CFAP95: variants seen among roughly 807,000 people sequenced by gnomAD.
CFAP95 encodes cilia and flagella associated protein 95.
chr9:69,884,812 C>G, the CFAP95 span, among the ~76,000 whole-genome samples: 1 of 151,512 alleles, frequency 6.6e-6, no homozygotes, highest in Admixed American at 6.6e-5. Flanking sequence ...ATAATGTCCC[C>G]CTGTTCCTTT....
At chr9:69,822,224 T>C in the CFAP95 span, among the ~76,000 whole-genome samples, 1 of 152,216 alleles carries the variant, frequency 6.6e-6, no homozygotes, top group African/African-American at 2.4e-5. Flanking sequence ...TCTTGTCTAC[T>C]TTATGTTTTT....
chr9:69,869,050 G>A, the CFAP95 span, among the ~76,000 whole-genome samples: 2 of 152,174 alleles, frequency 1.3e-5, no homozygotes, highest in Non-Finnish European at 2.9e-5. Flanking sequence ...GTTGGTGGGT[G>A]TGTAAAATGG....
the CFAP95 span, among the ~76,000 whole-genome samples, chr9:69,876,654 A>C: frequency 6.6e-6 from 1 of 151,728 alleles, no homozygotes; most frequent in African/African-American, 2.4e-5. Context: ...TATTTTTTTG[A>C]GATGGAGTCT....
At chr9:69,836,999 C>T in the CFAP95 span, among the ~76,000 whole-genome samples, 33 of 150,586 alleles carry the variant, frequency 2.2e-4, no homozygotes, top group East Asian at 9.8e-4. Context: ...TCTGTTCTTG[C>T]GATAGTTTAC....
At chr9:69,826,438 C>A in the CFAP95 span, among the ~76,000 whole-genome samples, 1 of 152,132 alleles carries the variant, frequency 6.6e-6, no homozygotes, top group African/African-American at 2.4e-5. Context: ...TCTTTGCTAG[C>A]CAGCAATCCC....
At chr9:69,861,703 T>G in the CFAP95 span, among the ~76,000 whole-genome samples, 5 of 141,934 alleles carry the variant, frequency 3.5e-5, no homozygotes, top group African/African-American at 1.3e-4. Context: ...TCTTGTCCTT[T>G]CTCCTGTTCT....
the CFAP95 span, among the ~76,000 whole-genome samples, chr9:69,845,887 TC>T: frequency 6.6e-6 from 1 of 152,072 alleles, no homozygotes; most frequent in South Asian, 2.1e-4. Flanking sequence ...CCAACCCTCT[TC>T]CCTTTGCACC....
the CFAP95 span, among the ~76,000 whole-genome samples, chr9:69,836,167 G>A: frequency 2.0e-5 from 3 of 152,128 alleles, no homozygotes; most frequent in Admixed American, 6.5e-5. Flanking sequence ...GAATGTTCTC[G>A]TCAAAACAAA....
At chr9:69,829,588 A>C in the CFAP95 span, among the ~76,000 whole-genome samples, 1 of 152,160 alleles carries the variant, frequency 6.6e-6, no homozygotes, top group Admixed American at 6.5e-5. Context: ...TGGGCTGTGG[A>C]AGCCATTAGA....
the CFAP95 span, among the ~76,000 whole-genome samples, chr9:69,833,270 G>T: frequency 6.6e-6 from 1 of 152,132 alleles, no homozygotes; most frequent in East Asian, 1.9e-4. Context: ...CACATAAATG[G>T]AATTGTACAA....
the CFAP95 span, among the ~76,000 whole-genome samples, chr9:69,837,913 G>A: frequency 6.6e-6 from 1 of 152,170 alleles, no homozygotes; most frequent in African/African-American, 2.4e-5. Context: ...TTTGTATAAG[G>A]TGTAAGGAAG....
chr9:69,880,103 A>G, the CFAP95 span, among the ~76,000 whole-genome samples: 3 of 152,148 alleles, frequency 2.0e-5, no homozygotes, highest in Non-Finnish European at 4.4e-5. Flanking sequence ...AAAACTGGGT[A>G]TCCATCCTCT....
At chr9:69,833,968 G>C in the CFAP95 span, among the ~76,000 whole-genome samples, 3 of 152,168 alleles carry the variant, frequency 2.0e-5, no homozygotes, top group Non-Finnish European at 4.4e-5. Context: ...ATCACTAAGT[G>C]TGATTTAAAA....
At chr9:69,838,031 C>T in the CFAP95 span, among the ~76,000 whole-genome samples, 1 of 152,158 alleles carries the variant, frequency 6.6e-6, no homozygotes, top group Non-Finnish European at 1.5e-5. Context: ...TGTTAAAGAT[C>T]AGATAGTTGT....
At chr9:69,853,363 G>C in the CFAP95 span, among the ~76,000 whole-genome samples, 1 of 152,118 alleles carries the variant, frequency 6.6e-6, no homozygotes, top group Non-Finnish European at 1.5e-5. Flanking sequence ...AAAATAATTC[G>C]TACTCAGGAA....
At chr9:69,842,192 G>T in the CFAP95 span, among the ~76,000 whole-genome samples, 5 of 152,322 alleles carry the variant, frequency 3.3e-5, no homozygotes, top group South Asian at 1.0e-3. Flanking sequence ...GGGCTAGAGA[G>T]TGGCACCCTT....
chr9:69,843,549 CTCCTCCTCCTTCTTCTTCTTCTTCTTCT>C, the CFAP95 span, among the ~76,000 whole-genome samples: 1 of 23,480 alleles, frequency 4.3e-5, no homozygotes, highest in Non-Finnish European at 9.4e-5. Context: ...CCTCCTCCTC[CTCCTCCTCCTTCTTCTTCTTCTTCTTCT>C]TCTTCTTCTT....
the CFAP95 span, chr9:69,902,341 C>T: frequency 2.2e-6 from 1 of 454,796 alleles, no homozygotes; most frequent in Non-Finnish European, 4.4e-6. Flanking sequence ...TTGGAGAACT[C>T]TATAATCTCC....
At chr9:69,845,161 A>T in the CFAP95 span, among the ~76,000 whole-genome samples, 1 of 152,196 alleles carries the variant, frequency 6.6e-6, no homozygotes, top group African/African-American at 2.4e-5. Flanking sequence ...CAGTGTCATA[A>T]TGTTTGTACA....
Sources: gnomAD v4.1 joint callset for allele counts (sites outside exome capture counted in the v4.1 genomes callset) on GRCh38, gnomAD v4.1.1 for gene constraint, MANE v1.5 for transcripts, NCBI Gene and HGNC (gene_info 2026-07-23, HGNC 2026-07-21) for gene names.